Variants in DTNBP1 observed in about 807,000 individuals in gnomAD.
DTNBP1 encodes dysbindin.
Under a neutral mutation model 42.8 loss-of-function variants are expected in DTNBP1, and 35 were observed. The ratio of observed to expected loss-of-function variants is 0.82; its 90% CI spans 0.63 to 1.09. The LOEUF (loss-of-function observed/expected upper bound fraction) is 1.09. Ranked by LOEUF, DTNBP1 falls within the 50% of genes least tolerant of loss-of-function variation. The pLI is 0.00. For missense variants in DTNBP1, 457 were observed against 424.2 expected (o/e 1.08, Z -0.68); for synonymous variants, 171 against 162.2 (o/e 1.05, Z -0.41).
At chr6:15,612,647 C>T (rs1210353411) in intron 6 of DTNBP1, among the ~76,000 whole-genome samples, 1 of 152,172 alleles carries the variant, frequency 6.6e-6, no homozygotes, top group Non-Finnish European at 1.5e-5. Flanking sequence ...CTATTCCAAG[C>T]ACTTTACTGA....
At chr6:15,619,907 CTTT>C (rs67536821) in intron 5 of DTNBP1, among the ~76,000 whole-genome samples, 4 of 144,752 alleles carry the variant, frequency 2.8e-5, no homozygotes, top group African/African-American at 5.0e-5. Flanking sequence ...GGTCTTATTC[CTTT>C]TTTTTTTTTG....
At chr6:15,598,249 A>G (rs183284627) in intron 6 of DTNBP1, among the ~76,000 whole-genome samples, 190 of 152,336 alleles carry the variant, frequency 1.2e-3, no homozygotes, top group Non-Finnish European at 7.3e-4. Context: ...ATGAGTAGAA[A>G]TCAACTAGCT....
intron 7 of DTNBP1, among the ~76,000 whole-genome samples, chr6:15,541,636 A>C (rs1031668256): frequency 1.3e-5 from 2 of 152,176 alleles, no homozygotes; most frequent in African/African-American, 4.8e-5. Context: ...TCAACTCCAG[A>C]TCATTGCTCA....
chr6:15,649,018 T>C (rs958079761), intron 3 of DTNBP1, among the ~76,000 whole-genome samples: 1 of 151,894 alleles, frequency 6.6e-6, no homozygotes, highest in African/African-American at 2.4e-5. Flanking sequence ...ATAGCGAGCG[T>C]TGGTGAGGAT....
intron 4 of DTNBP1, 104 bp from the exon 5 acceptor site, chr6:15,627,579 TCAGTA>T (rs1759425296): frequency 6.7e-7 from 1 of 1,483,558 alleles, no homozygotes. Context: ...ACCCCTCTAC[TCAGTA>T]GAGATTACGG....
Position 15,524,162 on chromosome 6 carries a change from G to C in DTNBP1, c.811+364C>G, listed in dbSNP as rs1168055567. On this transcript the variant is annotated intron_variant, in intron 9 of 9. Coordinates refer to ENST00000344537, the MANE Select transcript of DTNBP1 (RefSeq NM_032122.5). ...ATGCCTGTCGCACGAAGAGGGAAGA[G>C]TTTCCCGTGAGCCCCGCAGGAGAGT... The C allele has an allele frequency of 1.5e-5, 22 of 1,429,940 alleles. No individual in the cohort carries two copies. In the East Asian group the frequency reaches 7.1e-4, roughly 46 times the overall value. 88.6% of individuals were successfully genotyped at this position (1,429,940 alleles called of 1,614,324 possible).
At chr6:15,621,062 C>T (rs1759015326) in intron 5 of DTNBP1, among the ~76,000 whole-genome samples, 1 of 152,112 alleles carries the variant, frequency 6.6e-6, no homozygotes, top group South Asian at 2.1e-4. Flanking sequence ...ATGATGTAAA[C>T]AAGATCTATG....
rs1247825263 is a variant in DTNBP1 at position 15,610,049 on chromosome 6, C to CT, written c.488+5217dup. Among the ~76,000 whole-genome samples, 3 of 152,288 alleles carry CT rather than the reference C, an allele frequency of 2.0e-5. 1 individual carries two copies. Among genetic ancestry groups the CT allele is most frequent in the African/African-American group, 4.8e-5 (2 of 41,548 alleles). On this transcript the variant is annotated intron_variant, in intron 6 of 9. Coordinates refer to ENST00000344537, the MANE Select transcript of DTNBP1 (RefSeq NM_032122.5). ...CTACGTAGGCTTTCACTTAGTTCCT[C>CT]TGTTTTCAATACATTTGTATGTCTA...
intron 7 of DTNBP1, among the ~76,000 whole-genome samples, chr6:15,555,156 AGGATT>A (rs1355371139): frequency 6.6e-6 from 1 of 150,520 alleles, no homozygotes; most frequent in Non-Finnish European, 1.5e-5. Context: ...TACGGGGCTT[AGGATT>A]TTATTTCTCA....
At chr6:15,559,239 C>T (rs1174264581) in intron 7 of DTNBP1, among the ~76,000 whole-genome samples, 1 of 152,174 alleles carries the variant, frequency 6.6e-6, no homozygotes, top group Non-Finnish European at 1.5e-5. Context: ...AAGGCTGATC[C>T]TCTTACAACT....
chr6:15,644,245 G>A (rs969177577), intron 3 of DTNBP1, among the ~76,000 whole-genome samples: 22 of 149,990 alleles, frequency 1.5e-4, no homozygotes, highest in Non-Finnish European at 2.4e-4. Flanking sequence ...AGAAGATATC[G>A]TATCCTAAAT....
intron 7 of DTNBP1, among the ~76,000 whole-genome samples, chr6:15,553,379 C>A (rs1266812771): frequency 6.6e-6 from 1 of 151,376 alleles, no homozygotes; most frequent in Non-Finnish European, 1.5e-5. Context: ...TTATGAAAGA[C>A]GGTACCATAC....
At chr6:15,601,850 T>TAAAAAAAGAAAAAG (rs1460087004) in intron 6 of DTNBP1, among the ~76,000 whole-genome samples, 2 of 78,436 alleles carry the variant, frequency 2.5e-5, no homozygotes, top group Non-Finnish European at 5.4e-5. Context: ...CATCTCAAAA[T>TAAAAAAAGAAAAAG]AAAAAAAGAA....
intron 7 of DTNBP1, among the ~76,000 whole-genome samples, chr6:15,575,803 G>C (rs958390356): frequency 6.6e-6 from 1 of 152,210 alleles, no homozygotes; most frequent in African/African-American, 2.4e-5. Context: ...GGACCTCCCA[G>C]AAGAGGGAGA....
rs1398198011 is a variant in DTNBP1 at position 15,522,867 on chromosome 6, T to G, written c.*108A>C. On this transcript the variant is annotated 3_prime_UTR_variant, in exon 10 of 10. Coordinates refer to ENST00000344537, the MANE Select transcript of DTNBP1 (RefSeq NM_032122.5). The stretch of plus-strand genomic sequence containing the variant: ...TAAGTTTCTCACACATTATTGGCAA[T>G]TATGTAAAAATCAAGAACCTCTATA... 6.3e-7 allele frequency: 1 copy of G among 1,579,776 alleles called. No homozygotes were observed. The highest frequency in any genetic ancestry group is 8.7e-7 in the Non-Finnish European group (1 of 1,153,700).
chr6:15,607,619 AG>A (rs777507359), intron 6 of DTNBP1, among the ~76,000 whole-genome samples: 73 of 152,286 alleles, frequency 4.8e-4, no homozygotes, highest in Non-Finnish European at 9.4e-4. Context: ...TCTTTACCAC[AG>A]GAATTCTCAG....
intron 7 of DTNBP1, among the ~76,000 whole-genome samples, chr6:15,535,971 T>C (rs546722009): frequency 1.3e-5 from 2 of 152,314 alleles, no homozygotes; most frequent in South Asian, 2.1e-4. Context: ...GCCTTTGAGA[T>C]CTGTGGAACC....
chr6:15,593,346 C>G (rs533949719), intron 6 of DTNBP1, among the ~76,000 whole-genome samples: 1 of 152,124 alleles, frequency 6.6e-6, no homozygotes, highest in South Asian at 2.1e-4. Context: ...TTCATCTAAA[C>G]AATAAAACAA....
chr6:15,646,536 T>A (rs1050327906), intron 3 of DTNBP1, among the ~76,000 whole-genome samples: 18 of 150,996 alleles, frequency 1.2e-4, no homozygotes, highest in Non-Finnish European at 8.9e-5. Context: ...TCATATGGAA[T>A]CAAAAAAAGA....
Sources: allele counts gnomAD v4.1 joint callset (sites outside exome capture counted in the v4.1 genomes callset), GRCh38; gene constraint gnomAD v4.1.1; transcripts MANE v1.5; gene names NCBI Gene and HGNC (gene_info 2026-07-23, HGNC 2026-07-21).